Variants in BAZ2B observed in about 807,000 individuals in gnomAD.
BAZ2B encodes bromodomain adjacent to zinc finger domain protein 2B.
In BAZ2B, 91 loss-of-function variants were observed where a neutral mutation model predicts 246.0. The ratio of observed to expected loss-of-function variants is 0.37; its 90% confidence interval spans 0.31 to 0.44. The LOEUF is 0.44. Ranked by LOEUF, BAZ2B falls within the 20% of genes least tolerant of loss-of-function variation. The probability of loss-of-function intolerance (pLI) is 1.00; values close to 1 mark genes in which losing one functional copy is unlikely to be tolerated. For synonymous variants in BAZ2B, 855 were observed against 860.0 expected, an observed-to-expected ratio of 0.99 and a Z score of 0.10; for missense variants, 2,332 against 2,533.7, an observed-to-expected ratio of 0.92 and a Z score of 1.71.
chr2:159,316,665 G>C (rs1393829452), downstream of BAZ2B, among the ~76,000 whole-genome samples: 1 of 122,480 alleles, frequency 8.2e-6, no homozygotes, highest in Non-Finnish European at 1.6e-5. Context: ...ACTCCAGCCT[G>C]GGTGACAGAG....
rs1576564615 is a variant in BAZ2B at position 159,400,638 on chromosome 2, G to T, written c.2859C>A (p.Ile953=). 2 of 1,575,766 alleles carry T rather than the reference G, an allele frequency of 1.3e-6. No individual in the cohort carries two copies. Among genetic ancestry groups the T allele is most frequent in the East Asian group, 2.3e-5 (1 of 43,988 alleles). Residue 953 remains isoleucine (I), a synonymous_variant, in exon 17 of 37, where the codon ATC becomes ATA. Coordinates refer to ENST00000392783, the MANE Select transcript of BAZ2B (RefSeq NM_013450.4). ...GAGCTCGAAGTTCTTTTTCCATTCTGATTTGCTGTATTCTCTTAATTTTTT... is the reference window on the plus strand; with the variant it reads ...GAGCTCGAAGTTCTTTTTCCATTCTTATTTGCTGTATTCTCTTAATTTTTT... ...QQEKIKRIQQ[I]RMEKELRAQQ...
chr2:159,547,337 C>T (rs2087506492), intron 2 of BAZ2B, among the ~76,000 whole-genome samples: 1 of 152,148 alleles, frequency 6.6e-6, no homozygotes, highest in Non-Finnish European at 1.5e-5. Context: ...TTTTAACATT[C>T]ATGACTCGCA....
intron 13 of BAZ2B, among the ~76,000 whole-genome samples, chr2:159,426,287 T>C (rs2069852266): frequency 6.6e-6 from 1 of 152,168 alleles, no homozygotes; most frequent in Admixed American, 6.5e-5. Flanking sequence ...TAAAAATCCT[T>C]TATATGCTAA....
At chr2:159,609,349 T>C (rs746467416) in intron 1 of BAZ2B, among the ~76,000 whole-genome samples, 5 of 152,198 alleles carry the variant, frequency 3.3e-5, no homozygotes, top group African/African-American at 4.8e-5. Context: ...AATCCAGTTA[T>C]AAAGTCATGC....
At chr2:159,712,325 C>G in the BAZ2B span, 1 of 152,172 alleles carries the variant, frequency 6.6e-6, no homozygotes. Context: ...AGTGGCGCCT[C>G]GCTGACTCCC....
chr2:159,711,447 T>C, the BAZ2B span, among the ~76,000 whole-genome samples: 1 of 152,224 alleles, frequency 6.6e-6, no homozygotes, highest in Non-Finnish European at 1.5e-5. Context: ...TGATAGTGAC[T>C]GATACTCCAT....
At chr2:159,665,877 C>T in the BAZ2B span, among the ~76,000 whole-genome samples, 1 of 152,152 alleles carries the variant, frequency 6.6e-6, no homozygotes, top group Non-Finnish European at 1.5e-5. Flanking sequence ...TAAACAGCAT[C>T]CCATATGGAC....
chr2:159,404,980 A>G, intron 15 of BAZ2B, 42 bp downstream of exon 15: 1 of 1,610,894 alleles, frequency 6.2e-7, no homozygotes. Flanking sequence ...TGAATTCCCC[A>G]GTACTGACTC....
chr2:159,357,569 C>T (rs951541504), intron 27 of BAZ2B, among the ~76,000 whole-genome samples: 1 of 152,062 alleles, frequency 6.6e-6, no homozygotes, highest in Non-Finnish European at 1.5e-5. Context: ...TCCAGGAGAA[C>T]TTCTCCAACC....
intron 31 of BAZ2B, among the ~76,000 whole-genome samples, chr2:159,344,949 C>T (rs1186064264): frequency 2.6e-5 from 4 of 152,128 alleles, no homozygotes; most frequent in Admixed American, 1.3e-4. Context: ...GTGGCTCACA[C>T]CTGTAATCCC....
chr2:159,489,490 A>G (rs772825551), intron 2 of BAZ2B, among the ~76,000 whole-genome samples: 1 of 152,168 alleles, frequency 6.6e-6, no homozygotes, highest in Non-Finnish European at 1.5e-5. Flanking sequence ...TGTAGAGTTG[A>G]AAAATTATTT....
At position 159,386,358 on chromosome 2, in the gene BAZ2B, A is replaced by G. The variant is rs374468671; in HGVS notation, c.3466T>C (p.Tyr1156His). ...AVCDPGLITG[Y>H]KAKTALGEHL... ...TATATTTTGTTTTTTTTTACCTTGTATCCTGTTATTAGACCTGGATCACAT... is the reference window on the plus strand; with the variant it reads ...TATATTTTGTTTTTTTTTACCTTGTGTCCTGTTATTAGACCTGGATCACAT... Residue 1156 changes from tyrosine (Y) to histidine (H), a missense_variant, in exon 22 of 37, where the codon TAC becomes CAC. Physicochemically the swap from Tyr to His is moderately conservative, Grantham distance 83. This residue lies in a region of BAZ2B where 328 missense variants were observed against 410.4 expected (regional missense o/e 0.80). Transcript: ENST00000392783. 22 of 1,608,578 alleles carry G rather than the reference A, an allele frequency of 1.4e-5. No homozygotes were observed. The African/African-American group carries it at 2.3e-4, about 17-fold the overall frequency.
At chr2:159,476,480 G>A (rs1032536449) in intron 3 of BAZ2B, among the ~76,000 whole-genome samples, 2 of 151,516 alleles carry the variant, frequency 1.3e-5, no homozygotes, top group African/African-American at 4.9e-5. Flanking sequence ...TCAGCAACTC[G>A]GCATACTCCA....
chr2:159,412,613 GA>G (rs1392125601), intron 13 of BAZ2B, 68 bp from the exon 14 acceptor site: 4 of 1,414,318 alleles, frequency 2.8e-6, no homozygotes, highest in Non-Finnish European at 3.8e-6. Context: ...CAACATGTAA[GA>G]AAATTCTAGC....
At chr2:159,347,378 G>C in intron 31 of BAZ2B, 108 bp downstream of exon 31, 1 of 1,279,486 alleles carries the variant, frequency 7.8e-7, no homozygotes, top group Non-Finnish European at 1.1e-6. Context: ...AATTAAATGA[G>C]ACAAAATAAA....
intron 6 of BAZ2B, among the ~76,000 whole-genome samples, chr2:159,442,947 G>T (rs1174178312): frequency 6.6e-6 from 1 of 152,108 alleles, no homozygotes; most frequent in African/African-American, 2.4e-5. Flanking sequence ...TAGACACTTT[G>T]GTTGTGTCTA....
the BAZ2B span, among the ~76,000 whole-genome samples, chr2:159,654,879 C>A: frequency 6.6e-6 from 1 of 151,900 alleles, no homozygotes; most frequent in African/African-American, 2.4e-5. Flanking sequence ...ATCGCTTGAG[C>A]CTGGGAGGCG....
Position 159,428,332 on chromosome 2 carries a change from C to A in BAZ2B, c.2343G>T (p.Arg781Ser), listed in dbSNP as rs749037874. 16 of 1,612,884 alleles carry A rather than the reference C, an allele frequency of 9.9e-6. No individual in the cohort carries two copies. Among genetic ancestry groups the A allele is most frequent in the Non-Finnish European group, 1.4e-5 (16 of 1,179,454 alleles). ...AYYAPCGKKL[R>S]QYPEVIKYLS... ...GTACCTTTATTACTTCAGGGTACTGCCTAAGTTTCTTTCCACATGGAGCAT... is the reference window on the plus strand; with the variant it reads ...GTACCTTTATTACTTCAGGGTACTGACTAAGTTTCTTTCCACATGGAGCAT... The change falls in exon 12 of 37, where the codon AGG (arginine) becomes AGT (serine). Residue 781 changes from arginine to serine, a missense_variant. By Grantham distance (110) the Arg-to-Ser change is moderately radical. Transcript: ENST00000392783.
chr2:159,652,806 T>C, the BAZ2B span, among the ~76,000 whole-genome samples: 1 of 151,376 alleles, frequency 6.6e-6, no homozygotes, highest in African/African-American at 2.4e-5. Context: ...TTTGTAGAGA[T>C]GGGGTCTCAC....
Sources: allele counts gnomAD v4.1 joint callset (sites outside exome capture counted in the v4.1 genomes callset), GRCh38; gene constraint gnomAD v4.1.1; regional missense constraint gnomAD v4.1.1; transcripts MANE v1.5; gene names NCBI Gene and HGNC (gene_info 2026-07-23, HGNC 2026-07-21).